The following EPB41L4A variants were observed in gnomAD, a reference collection of about 807,000 sequenced individuals.
The protein encoded by EPB41L4A is band 4.1-like protein 4A.
A neutral mutation model predicts 108.6 loss-of-function variants in EPB41L4A; 100 were observed. The observed-to-expected ratio is 0.92, with a 90% CI of 0.78 to 1.09. EPB41L4A has a LOEUF of 1.09. EPB41L4A is among the 50% of genes least tolerant of loss of function. The probability of loss-of-function intolerance (pLI) is 0.00; values close to 1 mark genes in which losing one functional copy is unlikely to be tolerated. For missense variants in EPB41L4A, 1,030 were observed against 842.7 expected (o/e 1.22, Z -2.75); for synonymous variants, 319 against 289.0 (o/e 1.10, Z -1.05).
At chr5:112,270,287 T>TGCTA (rs1752169189) in intron 4 of EPB41L4A, among the ~76,000 whole-genome samples, 1 of 152,096 alleles carries the variant, frequency 6.6e-6, no homozygotes, top group Non-Finnish European at 1.5e-5. Context: ...TGATTTTAGG[T>TGCTA]GCTAGCTGAA....
At chr5:112,411,017 T>C (rs969290691) in intron 1 of EPB41L4A, among the ~76,000 whole-genome samples, 5 of 152,150 alleles carry the variant, frequency 3.3e-5, no homozygotes, top group Admixed American at 2.0e-4. Context: ...GATTCCCTGA[T>C]AGGTGAGCTA....
Position 112,346,216 on chromosome 5 carries a change from A to ATTTTTTTTTTTTTTTTTTTTTTTTTT in EPB41L4A, c.100-38752_100-38727dup, listed in dbSNP as rs561328868. On this transcript the variant is annotated intron_variant, in intron 1 of 22. Coordinates refer to ENST00000261486, the MANE Select transcript of EPB41L4A (RefSeq NM_022140.5). ...AATTCTTTAAAGTTAGGTACATTGC[A>ATTTTTTTTTTTTTTTTTTTTTTTTTT]TTTTTTTTTTTTTTTTTTTTTTTTT... 8.9e-5 allele frequency among the ~76,000 whole-genome samples: 6 copies of ATTTTTTTTTTTTTTTTTTTTTTTTTT among 67,294 alleles called. 3 individuals carry two copies. The highest frequency in any genetic ancestry group is 1.9e-4 in the Non-Finnish European group (6 of 32,336). 44.1% of individuals were successfully genotyped at this position (67,294 alleles called of 152,430 possible).
At chr5:112,146,603 AT>A (rs1307354115) in intron 12 of EPB41L4A, among the ~76,000 whole-genome samples, 2 of 152,192 alleles carry the variant, frequency 1.3e-5, no homozygotes, top group African/African-American at 4.8e-5. Context: ...TAAAAAATTT[AT>A]TTTTGTCTAG....
chr5:112,319,872 G>C (rs1755660024), intron 1 of EPB41L4A, among the ~76,000 whole-genome samples: 1 of 152,104 alleles, frequency 6.6e-6, no homozygotes, highest in South Asian at 2.1e-4. Context: ...TGTACTAGAG[G>C]ATCCTTTTGG....
intron 1 of EPB41L4A, among the ~76,000 whole-genome samples, chr5:112,368,916 C>T (rs1172159074): frequency 1.3e-5 from 2 of 152,120 alleles, no homozygotes; most frequent in South Asian, 2.1e-4. Flanking sequence ...CTCCAATTCT[C>T]GTCCACTCCC....
chr5:112,411,419 T>C (rs1207072640), intron 1 of EPB41L4A, among the ~76,000 whole-genome samples: 1 of 152,132 alleles, frequency 6.6e-6, no homozygotes, highest in Non-Finnish European at 1.5e-5. Flanking sequence ...TGTGCAACCT[T>C]AGGCAGGGGT....
chr5:112,360,418 C>CAT (rs1758645492), intron 1 of EPB41L4A, among the ~76,000 whole-genome samples: 1 of 151,770 alleles, frequency 6.6e-6, no homozygotes, highest in Non-Finnish European at 1.5e-5. Context: ...GGATTGCAGG[C>CAT]GCGCACCGCC....
rs141092839 is a variant in EPB41L4A at position 112,180,836 on chromosome 5, C to T, written c.1622+3180G>A. 1.8e-3 allele frequency among the ~76,000 whole-genome samples: 281 copies of T among 152,226 alleles called. 1 individual carries two copies. Among genetic ancestry groups the T allele is most frequent in the African/African-American group, 6.2e-3 (259 of 41,532 alleles). ...TGAAATTGAACTTTTATCCAGAATACATAAATAACCTACAAATGAATAAGA... is the reference window on the plus strand; with the variant it reads ...TGAAATTGAACTTTTATCCAGAATATATAAATAACCTACAAATGAATAAGA... On this transcript the variant is annotated intron_variant, in intron 18 of 22. Coordinates refer to ENST00000261486, the MANE Select transcript of EPB41L4A (RefSeq NM_022140.5).
chr5:112,179,655 C>A (rs1435726506), intron 18 of EPB41L4A, among the ~76,000 whole-genome samples: 1 of 152,112 alleles, frequency 6.6e-6, no homozygotes, highest in East Asian at 1.9e-4. Context: ...TAACTCTTAG[C>A]AAACTGGAAA....
At chr5:112,282,829 G>GAT (rs1200448544) in intron 2 of EPB41L4A, among the ~76,000 whole-genome samples, 1 of 152,142 alleles carries the variant, frequency 6.6e-6, no homozygotes, top group Non-Finnish European at 1.5e-5. Flanking sequence ...AGAAATCAGA[G>GAT]TTTTAAATTT....
chr5:112,318,305 T>C (rs560107525), intron 1 of EPB41L4A, among the ~76,000 whole-genome samples: 1 of 152,340 alleles, frequency 6.6e-6, no homozygotes, highest in East Asian at 1.9e-4. Flanking sequence ...TAATGTGTAA[T>C]GGCATTCTTT....
rs763824556 is a variant in EPB41L4A, at chr5:112,401,131, CT to C, written c.99+17809del. On this transcript the variant is annotated intron_variant, in intron 1 of 22. Coordinates refer to ENST00000261486, the MANE Select transcript of EPB41L4A (RefSeq NM_022140.5). ...GAAATTTCACTGATTTTCCTGGCCC[CT>C]ATCTGTCCCCTATCTATGAGAGGAA... Among the ~76,000 whole-genome samples, 85 of 152,212 alleles carry C rather than the reference CT, an allele frequency of 5.6e-4. 1 individual carries two copies. The highest frequency in any genetic ancestry group is 7.3e-5 in the Non-Finnish European group (5 of 68,038).
At chr5:112,171,269 C>G (rs1760565703) in intron 18 of EPB41L4A, among the ~76,000 whole-genome samples, 1 of 152,204 alleles carries the variant, frequency 6.6e-6, no homozygotes, top group Non-Finnish European at 1.5e-5. Context: ...GCCTCCCCAT[C>G]CAGTGGTAAC....
chr5:112,195,481 A>C lies in EPB41L4A; in HGVS notation c.1424+180T>G, dbSNP rs115406483. Among the ~76,000 whole-genome samples, 1,059 of 152,206 alleles carry C rather than the reference A, an allele frequency of 7.0e-3. 14 individuals are homozygous for C. The highest frequency in any genetic ancestry group is 0.024 in the African/African-American group (1,005 of 41,512). ...TCCTCTGAGACACAAAGGAGCAGGA[A>C]ACAGCACAGTCTTAGGATGCAACAG... On this transcript the variant is annotated intron_variant, in intron 16 of 22. Transcript: ENST00000261486.
chr5:112,395,605 G>A (rs1324981004), intron 1 of EPB41L4A, among the ~76,000 whole-genome samples: 1 of 152,172 alleles, frequency 6.6e-6, no homozygotes, highest in African/African-American at 2.4e-5. Flanking sequence ...AACAGGTGCT[G>A]GAGAGGATGT....
At chr5:112,281,946 CTTTT>C (rs996917643) in intron 2 of EPB41L4A, among the ~76,000 whole-genome samples, 1 of 151,584 alleles carries the variant, frequency 6.6e-6, no homozygotes, top group Non-Finnish European at 1.5e-5. Context: ...CATTTTTTGA[CTTTT>C]TTTTAAAAAA....
chr5:112,192,835 T>C (rs1322867774), intron 17 of EPB41L4A, among the ~76,000 whole-genome samples: 1 of 152,198 alleles, frequency 6.6e-6, no homozygotes, highest in East Asian at 1.9e-4. Context: ...AACAGAACAC[T>C]TATGGGCACA....
At chr5:112,157,708 CT>C (rs1360942957), downstream of EPB41L4A, among the ~76,000 whole-genome samples, 13 of 152,222 alleles carry the variant, frequency 8.5e-5, no homozygotes, top group Non-Finnish European at 1.8e-4. Flanking sequence ...TTTTATCCCC[CT>C]ATCTCAAGGT....
At chr5:112,196,656 T>G in intron 15 of EPB41L4A, 1 of 150,816 alleles carries the variant, frequency 6.6e-6, no homozygotes, top group East Asian at 2.1e-4. Context: ...TTCCATCTTT[T>G]TGGCAAAATC....
Sources: allele counts gnomAD v4.1 joint callset (sites outside exome capture counted in the v4.1 genomes callset), GRCh38; gene constraint gnomAD v4.1.1; transcripts MANE v1.5; gene names NCBI Gene and HGNC (gene_info 2026-07-23, HGNC 2026-07-21).